The following GSTM2 variants were observed in gnomAD, a reference collection of about 807,000 sequenced individuals.
The protein encoded by GSTM2 is GST class-mu 2.
GSTM2 carries 33 observed loss-of-function variants against 33.3 expected under a neutral mutation model. The observed-to-expected ratio is 0.99, with a 90% CI of 0.75 to 1.33. GSTM2 has a LOEUF of 1.33. Ranked by LOEUF, GSTM2 falls within the 40% of genes most tolerant of loss-of-function variation. The pLI is 0.00. For synonymous variants in GSTM2, 93 were observed against 95.6 expected (o/e 0.97, Z 0.16); for missense variants, 213 against 265.8 (o/e 0.80, Z 1.38).
At position 109,669,421 on chromosome 1, in the gene GSTM2, C is replaced by T. The variant is rs753263838; in HGVS notation, c.259+50C>T. On this transcript the variant is annotated intron_variant, in intron 4 of 7. Coordinates refer to ENST00000241337, the MANE Select transcript of GSTM2 (RefSeq NM_000848.4). ...CGGGGAGGGACCGTGGCCTCCTCCTCGGCTTGGCTGGGCTGTGAGGCTGAG... is the reference window on the plus strand; with the variant it reads ...CGGGGAGGGACCGTGGCCTCCTCCTTGGCTTGGCTGGGCTGTGAGGCTGAG... The T allele has an allele frequency of 8.7e-6, 14 of 1,613,164 alleles. No homozygotes were observed. The East Asian group carries it at 8.9e-5, about 10-fold the overall frequency.
rs1038148426 is a variant in GSTM2 at position 109,671,109 on chromosome 1, C to A, written c.361-178C>A. ...TCACCTCAGAAAGACTCCAGCTACC[C>A]AGTTGGAGTCTAATAAATGCTGATG... On this transcript the variant is annotated intron_variant, in intron 5 of 7. Transcript: ENST00000241337. 8 of 608,710 alleles carry A rather than the reference C, an allele frequency of 1.3e-5. No individual in the cohort carries two copies. In the East Asian group the frequency reaches 2.2e-4, roughly 17 times the overall value. 37.7% of individuals were successfully genotyped at this position (608,710 alleles called of 1,614,324 possible). A position where few individuals can be genotyped will look rare whatever the true frequency, so the allele number is the denominator to read the frequency against.
intron 7 of GSTM2, among the ~76,000 whole-genome samples, chr1:109,672,045 C>T (rs1428813564): frequency 1.4e-4 from 21 of 150,588 alleles, no homozygotes; most frequent in African/African-American, 4.9e-5. Flanking sequence ...TTTGGGAGGC[C>T]GAGTTGGGTG....
At position 109,669,546 on chromosome 1, in the gene GSTM2, C is replaced by A. The variant is rs1339923720; in HGVS notation, c.335C>A (p.Ala112Asp). The change falls in exon 5 of 8, where the codon GCC becomes GAC. Residue 112 changes from alanine (A) to aspartate (D), a missense_variant. Transcript: ENST00000241337. ...TTTATGGACAGCCGTATGCAGCTGG[C>A]CAAACTCTGCTATGACCCAGATTTT... ...NQFMDSRMQL[A>D]KLCYDPDFEK... The A allele has an allele frequency of 4.3e-6, 7 of 1,610,348 alleles. No homozygotes were observed. Among genetic ancestry groups the A allele is most frequent in the Non-Finnish European group, 5.1e-6 (6 of 1,176,760 alleles).
Position 109,674,740 on chromosome 1 carries a change from C to T in GSTM2, c.568-7C>T, listed in dbSNP as rs560735281. 4 of 1,613,572 alleles carry T rather than the reference C, an allele frequency of 2.5e-6. No homozygotes were observed. The East Asian group carries it at 8.9e-5, about 36-fold the overall frequency. ...TTGAGTTCTGGCCTTATTTTCCCCCCTCTCAGGGCTTGGAGAAGATCTCTG... is the reference window on the plus strand; with the variant it reads ...TTGAGTTCTGGCCTTATTTTCCCCCTTCTCAGGGCTTGGAGAAGATCTCTG... On this transcript the variant is annotated splice_polypyrimidine_tract_variant and splice_region_variant and intron_variant, in intron 7 of 7. Coordinates refer to ENST00000241337, the MANE Select transcript of GSTM2 (RefSeq NM_000848.4).
chr1:109,680,410 A>T (rs1157727344), intron 7 of GSTM2, among the ~76,000 whole-genome samples: 1 of 151,084 alleles, frequency 6.6e-6, no homozygotes, highest in East Asian at 2.0e-4. Flanking sequence ...GCACTGTCTG[A>T]GATGCCTCAC....
At chr1:109,668,704 G>A (rs1647420186) in intron 2 of GSTM2, 1 of 788,524 alleles carries the variant, frequency 1.3e-6, no homozygotes, top group Non-Finnish European at 2.1e-6. Context: ...ATTATGATGG[G>A]TGTCCCTCAG....
At chr1:109,676,189 G>C (rs183601047), downstream of GSTM2, among the ~76,000 whole-genome samples, 417 of 152,302 alleles carry the variant, frequency 2.7e-3, 1 homozygote, top group African/African-American at 9.4e-3. Context: ...TTCAAGGTAA[G>C]ATGTGGGTGG....
downstream of GSTM2, among the ~76,000 whole-genome samples, chr1:109,676,753 C>A (rs71657115): frequency 5.9e-5 from 9 of 152,160 alleles, no homozygotes; most frequent in African/African-American, 2.2e-4. Context: ...GATTCACATC[C>A]TTGCAGGAAC....
Position 109,671,399 on chromosome 1 carries a change from AT to A in GSTM2, c.456+18del, listed in dbSNP as rs761086192. The A allele has an allele frequency of 5.0e-6, 8 of 1,590,714 alleles. No homozygotes were observed. In the South Asian group the frequency reaches 8.8e-5, roughly 18 times the overall value. ...GGGGACAAGGTAATGGGGGCGTGTG[AT>A]GGGGACACCACAGATTTGTCATACT... is the stretch of plus-strand genomic sequence containing the variant. On this transcript the variant is annotated intron_variant, in intron 6 of 7. Transcript: ENST00000241337.
downstream of GSTM2, among the ~76,000 whole-genome samples, chr1:109,677,885 T>G (rs1484713516): frequency 2.6e-5 from 4 of 152,224 alleles, no homozygotes; most frequent in Non-Finnish European, 5.9e-5. Context: ...TGTGTTTGCT[T>G]TCCCTCATAA....
rs1647666130 is a variant in GSTM2 at position 109,674,947 on chromosome 1, C to T, written c.*111C>T. The T allele has an allele frequency of 1.4e-6, 2 of 1,436,614 alleles. No homozygotes were observed. Among genetic ancestry groups the T allele is most frequent in the East Asian group, 2.3e-5 (1 of 43,112 alleles). 89.0% of individuals were successfully genotyped at this position (1,436,614 alleles called of 1,614,324 possible). ...AGCACCTGCCTCCTCGTTCCTTTCTCCTGTTTATTCCCATCTTTACTCCCA... is the reference window on the plus strand; with the variant it reads ...AGCACCTGCCTCCTCGTTCCTTTCTTCTGTTTATTCCCATCTTTACTCCCA... On this transcript the variant is annotated 3_prime_UTR_variant, in exon 8 of 8. Transcript: ENST00000241337.
downstream of GSTM2, among the ~76,000 whole-genome samples, chr1:109,675,499 C>G (rs1301286531): frequency 1.3e-5 from 2 of 149,372 alleles, no homozygotes; most frequent in Non-Finnish European, 3.0e-5. Flanking sequence ...GAAAGGATGT[C>G]TCTTTCTTGG....
chr1:109,676,907 C>T (rs71657119), downstream of GSTM2, among the ~76,000 whole-genome samples: 16 of 152,294 alleles, frequency 1.1e-4, no homozygotes, highest in East Asian at 1.2e-3. Context: ...CCAGAAATAG[C>T]TGTTGAGTCT....
rs1211414876 is a variant in GSTM2 at position 109,671,571 on chromosome 1, C to G, written c.555C>G (p.Ile185Met). 1.3e-6 allele frequency: 2 copies of G among 1,591,332 alleles called. No individual in the cohort carries two copies. The highest frequency in any genetic ancestry group is 2.2e-5 in the South Asian group (2 of 90,650). Residue 185 changes from isoleucine to methionine, a missense_variant, in exon 7 of 8, where the codon ATC (isoleucine) becomes ATG (methionine). Coordinates refer to ENST00000241337, the MANE Select transcript of GSTM2 (RefSeq NM_000848.4). ...LDAFPNLKDF[I>M]SRFEGLEKIS... ...CCTTCCCAAACCTGAAGGACTTCAT[C>G]TCCCGATTTGAGGTGATGCCCCCAG...
intron 2 of GSTM2, 30 bp downstream of exon 2, chr1:109,668,530 C>G: frequency 3.1e-6 from 5 of 1,611,328 alleles, no homozygotes; most frequent in Non-Finnish European, 4.2e-6. Context: ...TGGGCCCTGC[C>G]CCCTCACACT....
At chr1:109,678,759 CAA>C (rs1179423525), downstream of GSTM2, among the ~76,000 whole-genome samples, 13 of 69,720 alleles carry the variant, frequency 1.9e-4, no homozygotes, top group African/African-American at 1.6e-4. Flanking sequence ...GACTCCCTCT[CAA>C]AAAAAAAAAA....
chr1:109,668,425 C>T lies in GSTM2; in HGVS notation c.37C>T (p.Leu13=). ...CCGAGCTGTGGGCCATCTCTCCCAG[C>T]TGGCCCATTCCATCCGCCTGCTCCT... The part of the protein sequence containing the change: ...MTLGYWNIRG[L]AHSIRLLLEY... The change falls in exon 2 of 8, where the codon CTG becomes TTG. Residue 13 remains leucine, a splice_region_variant and synonymous_variant. Coordinates refer to ENST00000241337, the MANE Select transcript of GSTM2 (RefSeq NM_000848.4). The T allele has an allele frequency of 1.2e-6, 2 of 1,613,870 alleles. No individual in the cohort carries two copies. Among genetic ancestry groups the T allele is most frequent in the South Asian group, 2.2e-5 (2 of 91,086 alleles).
chr1:109,673,147 A>C, intron 7 of GSTM2: 1 of 1,595,170 alleles, frequency 6.3e-7, no homozygotes, highest in Non-Finnish European at 8.5e-7. Context: ...TGGGATTACA[A>C]GCGTGAGCCA....
At chr1:109,671,928 G>A (rs1647556665) in intron 7 of GSTM2, among the ~76,000 whole-genome samples, 1 of 140,050 alleles carries the variant, frequency 7.1e-6, no homozygotes, top group Admixed American at 7.5e-5. Context: ...CCAAGATCGT[G>A]CCACTGCATT....
Sources: allele counts gnomAD v4.1 joint callset (sites outside exome capture counted in the v4.1 genomes callset), GRCh38; gene constraint gnomAD v4.1.1; transcripts MANE v1.5; gene names NCBI Gene and HGNC (gene_info 2026-07-23, HGNC 2026-07-21).